Variants in CNBD1 observed in about 807,000 individuals in gnomAD.
CNBD1 encodes the protein cyclic nucleotide binding domain containing 1.
Under a neutral mutation model 54.4 loss-of-function variants are expected in CNBD1, and 71 were observed. That is an observed-to-expected ratio of 1.30 (90% CI 1.08 to 1.59). The LOEUF (loss-of-function observed/expected upper bound fraction) is 1.59, where lower values mean the gene tolerates loss of function less well. Among genes scored for constraint, CNBD1 ranks in the 40% most tolerant of loss-of-function variants. CNBD1 has a pLI of 0.00. For missense variants in CNBD1, 659 were observed against 518.0 expected, an observed-to-expected ratio of 1.27 and a Z score of -2.64; for synonymous variants, 182 against 170.7, an observed-to-expected ratio of 1.07 and a Z score of -0.51.
intron 4 of CNBD1, among the ~76,000 whole-genome samples, chr8:87,060,970 G>A (rs1010099066): frequency 2.0e-5 from 3 of 152,060 alleles, no homozygotes; most frequent in African/African-American, 4.8e-5. Flanking sequence ...ATGAGTAGTG[G>A]GCAACTCAGG....
chr8:87,319,264 A>G (rs913343693), intron 8 of CNBD1, among the ~76,000 whole-genome samples: 3 of 152,124 alleles, frequency 2.0e-5, no homozygotes, highest in Admixed American at 6.6e-5. Flanking sequence ...TAATAATTCA[A>G]TGCTTGATGT....
intron 4 of CNBD1, among the ~76,000 whole-genome samples, chr8:87,030,593 A>AT (rs1003843279): frequency 1.3e-5 from 2 of 152,052 alleles, no homozygotes; most frequent in East Asian, 1.9e-4. Context: ...ATCTTCTAAA[A>AT]TTTTTTTAAA....
chr8:86,920,103 C>T (rs949480913), intron 3 of CNBD1, among the ~76,000 whole-genome samples: 2 of 152,004 alleles, frequency 1.3e-5, no homozygotes, highest in Non-Finnish European at 2.9e-5. Context: ...ATTCATTCAT[C>T]TAAGGGCTTA....
intron 5 of CNBD1, among the ~76,000 whole-genome samples, chr8:87,215,086 A>T (rs1156582745): frequency 6.6e-6 from 1 of 152,190 alleles, no homozygotes; most frequent in Admixed American, 6.5e-5. Context: ...CCAAATTTAC[A>T]TCAATGAGTG....
Position 87,298,578 on chromosome 8 carries a change from G to A in CNBD1, c.1042+11907G>A, listed in dbSNP as rs77953535. On this transcript the variant is annotated intron_variant, in intron 8 of 10. Transcript: ENST00000518476. ...TGGCTCACTGCAACCTACACCTCCCGGGTTCAAGTCATTATCCTGCTTCAG... is the reference window on the plus strand; with the variant it reads ...TGGCTCACTGCAACCTACACCTCCCAGGTTCAAGTCATTATCCTGCTTCAG... 1.1e-3 allele frequency among the ~76,000 whole-genome samples: 159 copies of A among 149,160 alleles called. 3 individuals are homozygous for A. In the East Asian group the frequency reaches 0.016, roughly 15 times the overall value.
At chr8:87,090,502 T>G (rs1179696531) in intron 4 of CNBD1, among the ~76,000 whole-genome samples, 1 of 152,172 alleles carries the variant, frequency 6.6e-6, no homozygotes, top group Admixed American at 6.5e-5. Flanking sequence ...CACATTTATA[T>G]TTGGATGTAG....
At chr8:87,048,667 A>AT (rs1810250604) in intron 4 of CNBD1, among the ~76,000 whole-genome samples, 1 of 152,120 alleles carries the variant, frequency 6.6e-6, no homozygotes, top group East Asian at 1.9e-4. Context: ...TCTATTTGAC[A>AT]TGGAAATGCC....
intron 10 of CNBD1, among the ~76,000 whole-genome samples, chr8:87,356,203 G>T (rs549290801): frequency 6.6e-6 from 1 of 152,126 alleles, no homozygotes; most frequent in South Asian, 2.1e-4. Flanking sequence ...ACAGACGTGG[G>T]GTGTTGCTAT....
At chr8:87,190,512 C>T (rs1379060394) in intron 4 of CNBD1, among the ~76,000 whole-genome samples, 2 of 152,118 alleles carry the variant, frequency 1.3e-5, no homozygotes, top group Non-Finnish European at 2.9e-5. Flanking sequence ...CCCTCTTTCG[C>T]TCCGAGTTCA....
At chr8:87,152,457 T>A (rs920436078) in intron 4 of CNBD1, among the ~76,000 whole-genome samples, 6 of 130,978 alleles carry the variant, frequency 4.6e-5, no homozygotes, top group East Asian at 2.2e-4. Context: ...AAAAAAAAAA[T>A]CTCAAAAAAA....
intron 4 of CNBD1, among the ~76,000 whole-genome samples, chr8:86,942,466 G>T (rs1290732336): frequency 2.0e-5 from 3 of 152,162 alleles, no homozygotes; most frequent in African/African-American, 7.2e-5. Context: ...TTGTTGGCAG[G>T]ATTCAGTTCC....
intron 4 of CNBD1, among the ~76,000 whole-genome samples, chr8:87,096,307 A>G (rs957548532): frequency 6.6e-6 from 1 of 150,518 alleles, no homozygotes; most frequent in Non-Finnish European, 1.5e-5. Context: ...ATGTCATCAC[A>G]TAGTGGAGAC....
chr8:87,141,927 T>TAA (rs1812378204), intron 4 of CNBD1, among the ~76,000 whole-genome samples: 1 of 152,174 alleles, frequency 6.6e-6, no homozygotes, highest in Non-Finnish European at 1.5e-5. Flanking sequence ...ATACTGTAAT[T>TAA]ATTTCTTTAA....
intron 10 of CNBD1, 165 bp downstream of exon 10, chr8:87,353,951 T>A: frequency 2.0e-6 from 1 of 504,556 alleles, no homozygotes; most frequent in East Asian, 3.5e-5. Context: ...TCTCTCTTGG[T>A]GAATTTTGAA....
chr8:87,344,938 A>G lies in CNBD1; in HGVS notation c.1043-6747A>G, dbSNP rs146082067. Among the ~76,000 whole-genome samples, 80 of 152,292 alleles carry G rather than the reference A, an allele frequency of 5.3e-4. 1 individual carries two copies. The highest frequency in any genetic ancestry group is 1.6e-3 in the African/African-American group (67 of 41,570). On this transcript the variant is annotated intron_variant, in intron 8 of 10. Coordinates refer to ENST00000518476, the MANE Select transcript of CNBD1 (RefSeq NM_173538.3). ...CAGTTACCCTGGTTAACTAGAATGT[A>G]TGACTAAATATGATTACAGAAACTG...
chr8:87,109,540 C>CTTTTTTTTTTTTTTTTTTTT (rs35541466), intron 4 of CNBD1, among the ~76,000 whole-genome samples: 1 of 107,968 alleles, frequency 9.3e-6, no homozygotes, highest in Non-Finnish European at 2.1e-5. Flanking sequence ...TTCTTTCTTT[C>CTTTTTTTTTTTTTTTTTTTT]TTTTTTTTTT....
At chr8:87,038,030 A>C (rs1563444878) in intron 4 of CNBD1, among the ~76,000 whole-genome samples, 1 of 152,174 alleles carries the variant, frequency 6.6e-6, no homozygotes, top group Non-Finnish European at 1.5e-5. Flanking sequence ...GGGCCTGATG[A>C]TAGAGAGGTG....
At chr8:87,410,390 T>G (rs1807721214) in intron 2 of CNBD1, among the ~76,000 whole-genome samples, 1 of 152,184 alleles carries the variant, frequency 6.6e-6, no homozygotes, top group Admixed American at 6.6e-5. Flanking sequence ...TTTACTATTC[T>G]GGATGCCATT....
chr8:87,187,093 G>A (rs1028343212), intron 4 of CNBD1, among the ~76,000 whole-genome samples: 1 of 151,264 alleles, frequency 6.6e-6, no homozygotes, highest in Non-Finnish European at 1.5e-5. Flanking sequence ...AGTATCTAAG[G>A]CATTTTCCCT....
Sources: allele counts gnomAD v4.1 joint callset (sites outside exome capture counted in the v4.1 genomes callset), GRCh38; gene constraint gnomAD v4.1.1; transcripts MANE v1.5; gene names NCBI Gene and HGNC (gene_info 2026-07-23, HGNC 2026-07-21).